The following TBCD variants were observed in gnomAD, a reference collection of about 807,000 sequenced individuals.
TBCD encodes the protein tubulin-specific chaperone D.
Under a neutral mutation model 169.3 loss-of-function variants are expected in TBCD, and 105 were observed. The observed-to-expected ratio is 0.62, with a 90% confidence interval of 0.53 to 0.73. TBCD has a LOEUF of 0.73. Among genes scored for constraint, TBCD ranks in the 30% least tolerant of loss-of-function variants. TBCD has a pLI of 0.00. For synonymous variants in TBCD, 700 were observed against 643.9 expected, an observed-to-expected ratio of 1.09 and a Z score of -1.32; for missense variants, 1,444 against 1,600.1, an observed-to-expected ratio of 0.90 and a Z score of 1.66.
At chr17:82,872,743 G>A (rs999036977) in intron 14 of TBCD, among the ~76,000 whole-genome samples, 1 of 152,270 alleles carries the variant, frequency 6.6e-6, no homozygotes, top group Non-Finnish European at 1.5e-5. Context: ...CCTGAGAGGT[G>A]GGCAGGGGCC....
At chr17:82,795,677 C>A in intron 7 of TBCD, 1 of 889,914 alleles carries the variant, frequency 1.1e-6, no homozygotes. Context: ...TCAGTGACAG[C>A]CGCACTCTTG....
At position 82,763,951 on chromosome 17, in the gene TBCD, A is replaced by G; in HGVS notation, c.236-14A>G. The stretch of plus-strand genomic sequence containing the variant: ...TTCACTTTTACAGTAAATGTTTCCT[A>G]TGTTTTTCCCTAGAATGGATGATGA... On this transcript the variant is annotated splice_polypyrimidine_tract_variant and intron_variant, in intron 2 of 38. Coordinates refer to ENST00000355528, the MANE Select transcript of TBCD (RefSeq NM_005993.5). The G allele has an allele frequency of 1.9e-6, 3 of 1,609,016 alleles. No individual in the cohort carries two copies. Among genetic ancestry groups the G allele is most frequent in the South Asian group, 1.1e-5 (1 of 90,762 alleles).
chr17:82,891,512 C>T (rs905457319), intron 16 of TBCD, among the ~76,000 whole-genome samples: 8 of 152,196 alleles, frequency 5.3e-5, no homozygotes, highest in African/African-American at 1.9e-4. Flanking sequence ...CTCCCAGCCC[C>T]GCACGGCCAT....
At chr17:82,854,431 C>T (rs1026490996) in intron 13 of TBCD, among the ~76,000 whole-genome samples, 9 of 152,368 alleles carry the variant, frequency 5.9e-5, no homozygotes, top group Middle Eastern at 3.4e-3. Context: ...GCTGCAGGCT[C>T]CTTATGAGGC....
At position 82,939,429 on chromosome 17, in the gene TBCD, C is replaced by T. The variant is rs552170050; in HGVS notation, c.3432C>T (p.Gly1144=). Residue 1144 remains glycine (G), a synonymous_variant, in exon 37 of 39, where the codon GGC becomes GGT. Transcript: ENST00000355528. ...TGCTCACCTACAGTGACGTCGTGGGCGCGGATGTGCTGGACGAGGTGGTGA... is the reference window on the plus strand; with the variant it reads ...TGCTCACCTACAGTGACGTCGTGGGTGCGGATGTGCTGGACGAGGTGGTGA... ...ETLLTYSDVV[G]ADVLDEVVTV... 3.3e-5 allele frequency: 54 copies of T among 1,613,640 alleles called. No homozygotes were observed. Among genetic ancestry groups the T allele is most frequent in the Admixed American group, 6.7e-5 (4 of 59,990 alleles).
At chr17:82,942,274 T>C (rs745536831) in intron 38 of TBCD, 175 bp from the exon 39 acceptor site, 2 of 826,442 alleles carry the variant, frequency 2.4e-6, no homozygotes, top group Non-Finnish European at 3.8e-6. Flanking sequence ...ACGTTAGTCA[T>C]GAGCACCTGT....
Position 82,852,810 on chromosome 17 carries a change from C to T in TBCD, c.1319-17414C>T, listed in dbSNP as rs548061034. Among the ~76,000 whole-genome samples, 40 of 152,316 alleles carry T rather than the reference C, an allele frequency of 2.6e-4. 1 individual carries two copies. The highest frequency in any genetic ancestry group is 2.6e-3 in the Admixed American group (39 of 15,294). On this transcript the variant is annotated intron_variant, in intron 13 of 38. Transcript: ENST00000355528. ...TTGGGTTGTTTCCCACTGTAGGCTG[C>T]TGTGAATAAAGCATTCGTGTGTGAG...
At chr17:82,881,875 T>G (rs2058373739) in intron 14 of TBCD, among the ~76,000 whole-genome samples, 1 of 152,196 alleles carries the variant, frequency 6.6e-6, no homozygotes, top group South Asian at 2.1e-4. Context: ...GTGACCACAC[T>G]CTAGGGGTCC....
chr17:82,845,616 C>T (rs1203423318), intron 13 of TBCD, among the ~76,000 whole-genome samples: 5 of 152,028 alleles, frequency 3.3e-5, no homozygotes, highest in African/African-American at 9.7e-5. Context: ...CCGTCCTGTC[C>T]GGCTCAGCCC....
chr17:82,901,108 G>A lies in TBCD; in HGVS notation c.1730+377G>A, dbSNP rs555183909. On this transcript the variant is annotated intron_variant, in intron 18 of 38. Coordinates refer to ENST00000355528, the MANE Select transcript of TBCD (RefSeq NM_005993.5). ...ATGTGGCTCCACAGGTGGTTTCTGC[G>A]CTGTCTCCTGGGAGCCCAGCAGTTC... Among the ~76,000 whole-genome samples, 10 of 152,354 alleles carry A rather than the reference G, an allele frequency of 6.6e-5. 1 individual carries two copies. Among genetic ancestry groups the A allele is most frequent in the East Asian group, 1.9e-4 (1 of 5,188 alleles).
chr17:82,806,098 T>C lies in TBCD; in HGVS notation c.1087+87T>C. The C allele has an allele frequency of 6.5e-7, 1 of 1,538,806 alleles. No individual in the cohort carries two copies. Among genetic ancestry groups the C allele is most frequent in the Admixed American group, 1.9e-5 (1 of 53,188 alleles). On this transcript the variant is annotated intron_variant, in intron 10 of 38. Transcript: ENST00000355528. This position sits in a 1 kb window ranked among gnomAD's most constrained non-coding sequence, Gnocchi z 5.1. The stretch of plus-strand genomic sequence containing the variant: ...TCCAGGACCACACTTCCTTCTTCCT[T>C]GCTGGTGCCGGCACTGTCTGGCCAC...
chr17:82,928,455 C>T (rs958407941), intron 30 of TBCD, among the ~76,000 whole-genome samples: 1 of 151,998 alleles, frequency 6.6e-6, no homozygotes, highest in Non-Finnish European at 1.5e-5. Flanking sequence ...TGTGGGTACC[C>T]CCAGGCCCTG....
At chr17:82,935,153 C>T (rs9892342) in intron 34 of TBCD, among the ~76,000 whole-genome samples, 76,276 of 151,752 alleles carry the variant, frequency 0.5, 19,307 homozygotes, top group East Asian at 0.64. Context: ...TTTCTCTCTA[C>T]AGTTTTGTCA....
chr17:82,856,728 G>A (rs978558207), intron 13 of TBCD, among the ~76,000 whole-genome samples: 2 of 149,120 alleles, frequency 1.3e-5, no homozygotes, highest in African/African-American at 5.1e-5. Context: ...GGGCGGGATC[G>A]CTGGACCGCG....
rs1414706798 is a variant in TBCD, at chr17:82,833,835, G to A, written c.1318+18901G>A. Among the ~76,000 whole-genome samples the A allele has an allele frequency of 6.6e-6, 1 of 152,208 alleles. No homozygotes were observed. Among genetic ancestry groups the A allele is most frequent in the Non-Finnish European group, 1.5e-5 (1 of 68,038 alleles). ...ACCCACCAGAGGCTGTGTGTGTGAT[G>A]TCAGAGCTGGCCTGCTCTTTTGGAT... On this transcript the variant is annotated intron_variant, in intron 13 of 38. Transcript: ENST00000355528. The surrounding 1 kb of genome is among the most constrained non-coding windows in gnomAD (Gnocchi z 4.7).
intron 6 of TBCD, among the ~76,000 whole-genome samples, chr17:82,780,645 CT>C (rs36145167): frequency 4.0e-4 from 42 of 104,732 alleles, no homozygotes; most frequent in Admixed American, 4.5e-4. Flanking sequence ...AAGACTTGGG[CT>C]TTTTTTTTTT....
At chr17:82,928,969 C>T (rs2061983104) in intron 30 of TBCD, 144 bp from the exon 31 acceptor site, 3 of 1,049,294 alleles carry the variant, frequency 2.9e-6, no homozygotes, top group Non-Finnish European at 4.0e-6. Context: ...TGTCAGCTGC[C>T]AACTCAGCCA....
At chr17:82,834,360 C>A (rs540252013) in intron 13 of TBCD, among the ~76,000 whole-genome samples, 1 of 152,148 alleles carries the variant, frequency 6.6e-6, no homozygotes, top group East Asian at 1.9e-4. Flanking sequence ...GGTGGAGGTG[C>A]AATGGATCAA....
Position 82,929,514 on chromosome 17 carries a change from G to A in TBCD, c.2991+14G>A, listed in dbSNP as rs1246377092. 2.8e-5 allele frequency: 45 copies of A among 1,601,882 alleles called. No individual in the cohort carries two copies. Among genetic ancestry groups the A allele is most frequent in the Middle Eastern group, 1.7e-4 (1 of 6,058 alleles). ...ACGGAGTCGACGGTGAGGAGGCGTC[G>A]GGCTGGCTGGGGCAGGAGGTGGCTC... On this transcript the variant is annotated intron_variant, in intron 32 of 38. Transcript: ENST00000355528.
Sources: allele counts gnomAD v4.1 joint callset (sites outside exome capture counted in the v4.1 genomes callset), GRCh38; gene constraint gnomAD v4.1.1; non-coding constraint Gnocchi (gnomAD v3.1); transcripts MANE v1.5; gene names NCBI Gene and HGNC (gene_info 2026-07-23, HGNC 2026-07-21).